Variants in TCEANC2 observed in about 807,000 individuals in gnomAD.
TCEANC2 encodes the protein transcription elongation factor A N-terminal and central domain containing 2.
A neutral mutation model predicts 22.8 loss-of-function variants in TCEANC2; 20 were observed. The ratio of observed to expected loss-of-function variants is 0.88; its 90% CI spans 0.62 to 1.28. The LOEUF is 1.28. Among genes scored for constraint, TCEANC2 ranks in the 50% most tolerant of loss-of-function variants. The pLI, the probability that TCEANC2 is intolerant of heterozygous loss-of-function variation, is 0.00. For missense variants in TCEANC2, 251 were observed against 249.7 expected (o/e 1.01, Z -0.03); for synonymous variants, 84 against 95.5 (o/e 0.88, Z 0.70).
At chr1:54,072,803 C>T (rs1658082722) in intron 3 of TCEANC2, among the ~76,000 whole-genome samples, 1 of 152,076 alleles carries the variant, frequency 6.6e-6, no homozygotes, top group South Asian at 2.1e-4. Flanking sequence ...ATTTCTTAAA[C>T]ATTTAATATC....
Position 54,096,559 on chromosome 1 carries a change from T to C in TCEANC2, c.*86T>C. On this transcript the variant is annotated 3_prime_UTR_variant, in exon 5 of 5. Transcript: ENST00000234827. This position sits in a 1 kb window ranked among gnomAD's most constrained non-coding sequence, Gnocchi z 4.9. ...CAAAGACGCTTTTGAGTTTGGGTGA[T>C]GGCTGATGCTGGCTGTGCTAGATTT... 1 of 1,480,458 alleles carries C rather than the reference T, an allele frequency of 6.8e-7. No homozygotes were observed. Among genetic ancestry groups the C allele is most frequent in the South Asian group, 1.4e-5 (1 of 73,030 alleles). 91.7% of individuals were successfully genotyped at this position (1,480,458 alleles called of 1,614,324 possible).
In TCEANC2 at chr1:54,068,838, C is replaced by A. The variant is rs772759970; in HGVS notation, c.185C>A (p.Ala62Asp). Residue 62 changes from alanine (A) to aspartate (D), a missense_variant, in exon 3 of 5, where the codon GCC becomes GAC. Transcript: ENST00000234827. ...PDQTKENLVEALQELKKKIPS... is the reference protein window; with the variant it reads ...PDQTKENLVEDLQELKKKIPS... ...CAAACCAAAGAGAATCTTGTTGAAG[C>A]CTTACAAGAATTAAAGAAGAAAATA... is the stretch of plus-strand genomic sequence containing the variant. 2 of 1,611,112 alleles carry A rather than the reference C, an allele frequency of 1.2e-6. No individual in the cohort carries two copies. Among genetic ancestry groups the A allele is most frequent in the Non-Finnish European group, 1.7e-6 (2 of 1,178,984 alleles).
At chr1:54,062,636 G>T (rs1179646877) in intron 2 of TCEANC2, among the ~76,000 whole-genome samples, 1 of 152,208 alleles carries the variant, frequency 6.6e-6, no homozygotes, top group Non-Finnish European at 1.5e-5. Context: ...GTTGCAGAGG[G>T]ACGCAAAGTG....
intron 2 of TCEANC2, among the ~76,000 whole-genome samples, chr1:54,064,692 CTTTTTTTTTTTT>C (rs67486092): frequency 1.1e-5 from 1 of 93,672 alleles, no homozygotes; most frequent in Non-Finnish European, 2.0e-5. Flanking sequence ...TGCATTTTTC[CTTTTTTTTTTTT>C]TTTTTTTTTT....
At chr1:54,061,786 C>A (rs979409475) in intron 2 of TCEANC2, among the ~76,000 whole-genome samples, 4 of 151,782 alleles carry the variant, frequency 2.6e-5, no homozygotes, top group African/African-American at 4.8e-5. Flanking sequence ...GAATGCCAAA[C>A]TGAAGAGGTA....
chr1:54,101,319 A>G lies in TCEANC2; in HGVS notation c.*4846A>G, dbSNP rs1051023739. ...TTTGGGAGTTTCAGTTAGTTGGGTG[A>G]CACTACCCTGGTATCAAAGGAAAGA... On this transcript the variant is annotated 3_prime_UTR_variant, in exon 5 of 5. Transcript: ENST00000234827. The G allele has an allele frequency of 6.6e-6, 1 of 152,190 alleles. No individual in the cohort carries two copies. Among genetic ancestry groups the G allele is most frequent in the Non-Finnish European group, 1.5e-5 (1 of 68,036 alleles). The allele number at this position is 152,190 out of a possible 1,614,324, so 9.4% of individuals were successfully genotyped here. A position where few individuals can be genotyped will look rare whatever the true frequency, so the allele number is the denominator to read the frequency against.
intron 3 of TCEANC2, among the ~76,000 whole-genome samples, chr1:54,071,894 C>T (rs767409706): frequency 5.3e-5 from 8 of 152,054 alleles, no homozygotes; most frequent in Non-Finnish European, 7.4e-5. Flanking sequence ...TCACCGCAGC[C>T]TTGACCTCCC....
At chr1:54,078,558 T>A (rs1335626915) in intron 3 of TCEANC2, among the ~76,000 whole-genome samples, 1 of 152,206 alleles carries the variant, frequency 6.6e-6, no homozygotes, top group Non-Finnish European at 1.5e-5. Context: ...TCTCAGTATT[T>A]GCATTTGAGT....
downstream of TCEANC2, among the ~76,000 whole-genome samples, chr1:54,107,455 T>C (rs1308995493): frequency 6.6e-6 from 1 of 152,118 alleles, no homozygotes; most frequent in Non-Finnish European, 1.5e-5. Flanking sequence ...TCCCTTTCCA[T>C]ATTTTGTTTT....
chr1:54,110,301 C>T (rs1658819821), downstream of TCEANC2, among the ~76,000 whole-genome samples: 1 of 152,178 alleles, frequency 6.6e-6, no homozygotes, highest in Admixed American at 6.6e-5. Context: ...CTCCCCTGCT[C>T]AAAACCCTTC....
chr1:54,084,319 ATTT>A (rs1483326811), intron 3 of TCEANC2, among the ~76,000 whole-genome samples: 1 of 152,020 alleles, frequency 6.6e-6, no homozygotes, highest in Non-Finnish European at 1.5e-5. Flanking sequence ...AGCCTATTTT[ATTT>A]TTTAATGGCT....
chr1:54,068,727 A>G (rs774174376), intron 2 of TCEANC2, 29 bp from the exon 3 acceptor site: 1 of 1,579,254 alleles, frequency 6.3e-7, no homozygotes, highest in Non-Finnish European at 8.6e-7. Flanking sequence ...AAAATGTTCC[A>G]TTTTCCAAAT....
At chr1:54,057,347 A>ATTTTT (rs1163556776) in intron 2 of TCEANC2, among the ~76,000 whole-genome samples, 116 of 85,948 alleles carry the variant, frequency 1.3e-3, no homozygotes, top group African/African-American at 1.7e-3. Flanking sequence ...CACCTGGCTA[A>ATTTTT]TTTTTTTTTT....
rs539298097 is a variant in TCEANC2, at chr1:54,104,304, A to G, written c.*7831A>G. The G allele has an allele frequency of 1.1e-5, 2 of 186,730 alleles. No homozygotes were observed. Among genetic ancestry groups the G allele is most frequent in the East Asian group, 2.9e-4 (2 of 6,900 alleles). The allele number at this position is 186,730 out of a possible 1,614,324, so 11.6% of individuals were successfully genotyped here. Reference sequence around the variant, plus strand: ...AGGTTTTGAGTCACAAAGGAGGAACACTTCCACTAAAAGAAACATCAAGAT... The same window carrying G: ...AGGTTTTGAGTCACAAAGGAGGAACGCTTCCACTAAAAGAAACATCAAGAT... On this transcript the variant is annotated 3_prime_UTR_variant, in exon 5 of 5. Transcript: ENST00000234827.
rs138331505 is a variant in TCEANC2, at chr1:54,056,515, T to C, written c.102+1991T>C. On this transcript the variant is annotated intron_variant, in intron 2 of 4. Transcript: ENST00000234827. The stretch of plus-strand genomic sequence containing the variant: ...TAATTTTTTGTATTTTTAGTAGAGA[T>C]GGGGTTTCACTATGTTGGCCAGGCT... Among the ~76,000 whole-genome samples the C allele has an allele frequency of 5.8e-3, 874 of 151,808 alleles. 5 individuals are homozygous for C. Among genetic ancestry groups the C allele is most frequent in the African/African-American group, 0.02 (817 of 41,410 alleles).
chr1:54,085,268 A>G (rs906582845), intron 3 of TCEANC2, among the ~76,000 whole-genome samples: 2 of 152,242 alleles, frequency 1.3e-5, no homozygotes, highest in Non-Finnish European at 2.9e-5. Context: ...AGTGCCCAGC[A>G]TAGTATCTAG....
At chr1:54,060,872 C>T (rs35191207) in intron 2 of TCEANC2, among the ~76,000 whole-genome samples, 44,322 of 151,334 alleles carry the variant, frequency 0.29, 7,061 homozygotes, top group Admixed American at 0.43. Flanking sequence ...CACTTGGACC[C>T]GGAAGGCAGA....
chr1:54,065,038 G>A (rs143545081), intron 2 of TCEANC2, among the ~76,000 whole-genome samples: 2,387 of 152,134 alleles, frequency 0.016, 56 homozygotes, highest in African/African-American at 0.054. Flanking sequence ...AAGTCAGTGC[G>A]AATCAGCCTT....
chr1:54,061,438 G>C (rs749204771), intron 2 of TCEANC2, among the ~76,000 whole-genome samples: 1 of 152,138 alleles, frequency 6.6e-6, no homozygotes, highest in Non-Finnish European at 1.5e-5. Context: ...AAAAGGAGGG[G>C]CTTGTATAGT....
Sources: allele counts gnomAD v4.1 joint callset (sites outside exome capture counted in the v4.1 genomes callset), GRCh38; gene constraint gnomAD v4.1.1; non-coding constraint Gnocchi (gnomAD v3.1); transcripts MANE v1.5; gene names NCBI Gene and HGNC (gene_info 2026-07-23, HGNC 2026-07-21).